Variants in PLGRKT observed in about 807,000 individuals in gnomAD.
The protein encoded by PLGRKT is plasminogen receptor (KT).
A neutral mutation model predicts 18.5 loss-of-function variants in PLGRKT; 22 were observed. The observed-to-expected ratio is 1.19, with a 90% confidence interval of 0.85 to 1.70. The LOEUF (loss-of-function observed/expected upper bound fraction) is 1.70. Among genes scored for constraint, PLGRKT ranks in the 40% most tolerant of loss-of-function variants. The pLI, the probability that PLGRKT is intolerant of heterozygous loss-of-function variation, is 0.00. For synonymous variants in PLGRKT, 72 were observed against 52.8 expected (o/e 1.36, Z -1.58); for missense variants, 235 against 174.4 (o/e 1.35, Z -1.96).
At chr9:5,424,960 TCA>T (rs1242979026) in intron 3 of PLGRKT, among the ~76,000 whole-genome samples, 2 of 152,046 alleles carry the variant, frequency 1.3e-5, no homozygotes, top group Non-Finnish European at 2.9e-5. Context: ...TAGCTATGCC[TCA>T]TTTTCTTAAC....
chr9:5,385,307 T>C (rs932483743), intron 3 of PLGRKT, among the ~76,000 whole-genome samples: 10 of 152,000 alleles, frequency 6.6e-5, no homozygotes. Context: ...GCCTCTCATC[T>C]GCTTGAGTTG....
intron 3 of PLGRKT, among the ~76,000 whole-genome samples, chr9:5,419,839 A>G (rs1392517948): frequency 1.3e-5 from 2 of 152,228 alleles, no homozygotes; most frequent in Non-Finnish European, 2.9e-5. Context: ...TAAGCATAAA[A>G]TTACCATATG....
At chr9:5,433,804 T>A (rs1201436639) in intron 2 of PLGRKT, among the ~76,000 whole-genome samples, 1 of 118,086 alleles carries the variant, frequency 8.5e-6, no homozygotes. Context: ...GGCTGCCCCG[T>A]CTGGGAAGTG....
At chr9:5,386,035 T>G (rs1467345157) in intron 3 of PLGRKT, among the ~76,000 whole-genome samples, 8 of 151,836 alleles carry the variant, frequency 5.3e-5, no homozygotes, top group Non-Finnish European at 1.0e-4. Flanking sequence ...TAGTATCTCC[T>G]GGCCCTGATC....
At chr9:5,432,427 T>C (rs1818845599) in intron 2 of PLGRKT, among the ~76,000 whole-genome samples, 1 of 152,236 alleles carries the variant, frequency 6.6e-6, no homozygotes, top group South Asian at 2.1e-4. Flanking sequence ...AGATGCCTTG[T>C]GCGTCTTAAG....
At chr9:5,363,662 C>A (rs1379592842) in intron 3 of PLGRKT, among the ~76,000 whole-genome samples, 1 of 152,120 alleles carries the variant, frequency 6.6e-6, no homozygotes, top group Non-Finnish European at 1.5e-5. Context: ...GTCTGGGGAT[C>A]CCCAGATGCA....
chr9:5,437,325 T>C (rs1460212154), intron 1 of PLGRKT, among the ~76,000 whole-genome samples: 1 of 152,212 alleles, frequency 6.6e-6, no homozygotes, highest in Non-Finnish European at 1.5e-5. Context: ...AGATGACACA[T>C]TGCCTGAATG....
At chr9:5,431,456 C>A (rs142215464) in intron 3 of PLGRKT, among the ~76,000 whole-genome samples, 6,037 of 150,150 alleles carry the variant, frequency 0.04, 332 homozygotes, top group East Asian at 0.12. Context: ...ATCGCTTGAA[C>A]CCAGGAGGCA....
chr9:5,389,076 A>C (rs1208201046), intron 3 of PLGRKT, among the ~76,000 whole-genome samples: 1 of 151,946 alleles, frequency 6.6e-6, no homozygotes, highest in Non-Finnish European at 1.5e-5. Context: ...GACTTAACAT[A>C]GGACATGGAC....
chr9:5,414,859 A>G (rs1007821363), intron 3 of PLGRKT, among the ~76,000 whole-genome samples: 3 of 152,242 alleles, frequency 2.0e-5, no homozygotes, highest in Non-Finnish European at 4.4e-5. Context: ...AGCTAGAATG[A>G]AATGTGTCAC....
intron 3 of PLGRKT, among the ~76,000 whole-genome samples, chr9:5,431,043 C>T (rs1818811968): frequency 6.6e-6 from 1 of 152,190 alleles, no homozygotes; most frequent in South Asian, 2.1e-4. Context: ...TCTTACAGTT[C>T]TAAGTTCAGA....
At chr9:5,423,309 T>C (rs1818613349) in intron 3 of PLGRKT, among the ~76,000 whole-genome samples, 1 of 152,252 alleles carries the variant, frequency 6.6e-6, no homozygotes, top group Admixed American at 6.5e-5. Context: ...TAAAGTGTAC[T>C]AAATGTGTAA....
chr9:5,405,055 G>C (rs1277273751), intron 3 of PLGRKT, among the ~76,000 whole-genome samples: 1 of 151,994 alleles, frequency 6.6e-6, no homozygotes, highest in East Asian at 1.9e-4. Context: ...AAAATGCCTA[G>C]GAATACAGCT....
chr9:5,399,435 A>G (rs1818114114), intron 3 of PLGRKT, among the ~76,000 whole-genome samples: 1 of 151,816 alleles, frequency 6.6e-6, no homozygotes, highest in South Asian at 2.1e-4. Flanking sequence ...TATATGCTCA[A>G]TAGGCAGATT....
intron 2 of PLGRKT, among the ~76,000 whole-genome samples, chr9:5,435,540 T>C (rs1818944229): frequency 6.6e-6 from 1 of 152,182 alleles, no homozygotes; most frequent in Non-Finnish European, 1.5e-5. Context: ...ATACAGATAC[T>C]TGAATGTCCT....
At chr9:5,430,822 A>G (rs1480328592) in intron 3 of PLGRKT, among the ~76,000 whole-genome samples, 1 of 152,208 alleles carries the variant, frequency 6.6e-6, no homozygotes, top group Non-Finnish European at 1.5e-5. Context: ...TTCGGGTCAA[A>G]CTTTTAAGAC....
At chr9:5,384,590 T>A (rs1181285181) in intron 3 of PLGRKT, among the ~76,000 whole-genome samples, 1 of 152,146 alleles carries the variant, frequency 6.6e-6, no homozygotes, top group Non-Finnish European at 1.5e-5. Context: ...GAGATACTGC[T>A]CTTGATTAGA....
chr9:5,372,549 G>A (rs191170545), intron 3 of PLGRKT, among the ~76,000 whole-genome samples: 31 of 152,330 alleles, frequency 2.0e-4, no homozygotes, highest in African/African-American at 7.5e-4. Context: ...CCATTCTGGA[G>A]AAATGTTCAG....
At chr9:5,373,656 G>C (rs972831494) in intron 3 of PLGRKT, among the ~76,000 whole-genome samples, 1 of 152,056 alleles carries the variant, frequency 6.6e-6, no homozygotes, top group Non-Finnish European at 1.5e-5. Flanking sequence ...AAATTAGCTG[G>C]GCATGGTGGC....
Sources: allele counts gnomAD v4.1 joint callset (sites outside exome capture counted in the v4.1 genomes callset), GRCh38; gene constraint gnomAD v4.1.1; transcripts MANE v1.5; gene names NCBI Gene and HGNC (gene_info 2026-07-23, HGNC 2026-07-21).